FIGLA: variants seen among roughly 807,000 people sequenced by gnomAD.
FIGLA encodes the protein factor in the germline alpha.
In FIGLA, 17 loss-of-function variants were observed where a neutral mutation model predicts 21.5. That is an observed-to-expected ratio of 0.79 (90% confidence interval 0.54 to 1.19). The LOEUF (loss-of-function observed/expected upper bound fraction) is 1.19. FIGLA is among the 50% of genes most tolerant of loss of function. FIGLA has a pLI of 0.00. For missense variants in FIGLA, 282 were observed against 285.0 expected, an observed-to-expected ratio of 0.99 and a Z score of 0.08; for synonymous variants, 129 against 117.6, an observed-to-expected ratio of 1.10 and a Z score of -0.63.
chr2:70,779,856 T>C (rs1302189065), intron 3 of FIGLA, among the ~76,000 whole-genome samples: 1 of 152,100 alleles, frequency 6.6e-6, no homozygotes, highest in Non-Finnish European at 1.5e-5. Context: ...ATGCATAATA[T>C]GAAATGCCAG....
At position 70,790,435 on chromosome 2, in the gene FIGLA, A is replaced by G; in HGVS notation, c.204T>C (p.Arg68=). The change falls in exon 1 of 5, where the codon CGT becomes CGC. Residue 68 remains arginine, a synonymous_variant. Coordinates refer to ENST00000332372, the MANE Select transcript of FIGLA (RefSeq NM_001004311.3). The stretch of plus-strand genomic sequence containing the variant: ...GCTCACGCTCCTTGGCGTTGGCCAC[A>G]CGCCGCCGCTCCAGCACCAACTGGA... ...ENLQLVLERR[R]VANAKERERI... 6.5e-7 allele frequency: 1 copy of G among 1,541,558 alleles called. No homozygotes were observed.
intron 1 of FIGLA, 100 bp downstream of exon 1, chr2:70,790,308 G>A (rs1676037083): frequency 1.5e-6 from 2 of 1,298,858 alleles, no homozygotes; most frequent in Non-Finnish European, 2.0e-6. Flanking sequence ...AAGTCGCCTC[G>A]AGCGGGGGTG....
rs1553389893 is a variant in FIGLA, at chr2:70,785,650, T to A, written c.385-11A>T. ...ATCTGGGTCTTGTTTCTGGAAACCA[T>A]ATTTAGTTGTCAAACAGTATAATAT... On this transcript the variant is annotated splice_polypyrimidine_tract_variant and intron_variant, in intron 2 of 4. Coordinates refer to ENST00000332372, the MANE Select transcript of FIGLA (RefSeq NM_001004311.3). The A allele has an allele frequency of 1.3e-6, 2 of 1,598,426 alleles. No individual in the cohort carries two copies. The highest frequency in any genetic ancestry group is 1.7e-6 in the Non-Finnish European group (2 of 1,166,020).
chr2:70,790,304 C>T, intron 1 of FIGLA, 104 bp downstream of exon 1: 1 of 1,275,196 alleles, frequency 7.8e-7, no homozygotes, highest in South Asian at 1.7e-5. Context: ...CTCGAAGTCG[C>T]CTCGAGCGGG....
chr2:70,786,482 T>C (rs1553390065), intron 2 of FIGLA, among the ~76,000 whole-genome samples: 1 of 151,636 alleles, frequency 6.6e-6, no homozygotes, highest in African/African-American at 2.4e-5. Context: ...TTTTTTGTAT[T>C]TTTAGTAGAG....
chr2:70,779,605 C>T lies in FIGLA; in HGVS notation c.610-1934G>A, dbSNP rs117596923. Among the ~76,000 whole-genome samples the T allele has an allele frequency of 1.2e-3, 183 of 152,282 alleles. 1 individual carries two copies. In the East Asian group the frequency reaches 0.032, roughly 26 times the overall value. On this transcript the variant is annotated intron_variant, in intron 3 of 4. Transcript: ENST00000332372. ...GGGTGGTAGGAGTCTACCATCCACA[C>T]AGGATTCTTTCTCTCAGAAACTCTT...
intron 1 of FIGLA, among the ~76,000 whole-genome samples, chr2:70,788,065 T>C (rs1553390308): frequency 6.6e-6 from 1 of 152,210 alleles, no homozygotes; most frequent in African/African-American, 2.4e-5. Context: ...TTTGAGAGCA[T>C]ACCCGCTGTA....
intron 1 of FIGLA, among the ~76,000 whole-genome samples, chr2:70,789,685 T>G (rs7575830): frequency 0.55 from 83,809 of 151,998 alleles, 24,544 homozygotes; most frequent in East Asian, 0.74. Flanking sequence ...TCGCCTCTGC[T>G]GCAACCAAAC....
At chr2:70,778,416 T>A (rs1279969192) in intron 3 of FIGLA, among the ~76,000 whole-genome samples, 1 of 152,094 alleles carries the variant, frequency 6.6e-6, no homozygotes, top group African/African-American at 2.4e-5. Flanking sequence ...CTTGATCGAG[T>A]CTTTCCACTA....
chr2:70,777,436 A>G, intron 4 of FIGLA, 54 bp from the exon 5 acceptor site: 1 of 1,392,042 alleles, frequency 7.2e-7, no homozygotes, highest in Non-Finnish European at 9.6e-7. Context: ...AACCGTTTAC[A>G]AAAGAAATAA....
intron 4 of FIGLA, 105 bp from the exon 5 acceptor site, chr2:70,777,487 G>T (rs1044052806): frequency 2.9e-5 from 39 of 1,354,664 alleles, no homozygotes; most frequent in Non-Finnish European, 3.7e-5. Context: ...AATCAAAGAT[G>T]TTTAAATTTA....
intron 1 of FIGLA, among the ~76,000 whole-genome samples, chr2:70,789,780 T>A (rs1676024468): frequency 6.6e-6 from 1 of 152,174 alleles, no homozygotes; most frequent in Non-Finnish European, 1.5e-5. Flanking sequence ...TACCAGCAGG[T>A]GCCGCTCCAA....
chr2:70,778,741 T>C (rs1675806417), intron 3 of FIGLA, among the ~76,000 whole-genome samples: 1 of 152,224 alleles, frequency 6.6e-6, no homozygotes, highest in African/African-American at 2.4e-5. Context: ...AAATTGGCTG[T>C]TGGTCTCATC....
At chr2:70,786,302 A>T (rs1574352096) in intron 2 of FIGLA, among the ~76,000 whole-genome samples, 1 of 118,680 alleles carries the variant, frequency 8.4e-6, no homozygotes, top group African/African-American at 3.3e-5. Context: ...TCGGACTTCT[A>T]GGTTTTCTTT....
intron 3 of FIGLA, among the ~76,000 whole-genome samples, chr2:70,782,515 A>T (rs1675873483): frequency 6.6e-6 from 1 of 152,210 alleles, no homozygotes; most frequent in Admixed American, 6.5e-5. Flanking sequence ...TTGCTAGAAG[A>T]GACATTATTG....
chr2:70,787,884 C>A, intron 1 of FIGLA, 83 bp from the exon 2 acceptor site: 1 of 1,418,914 alleles, frequency 7.0e-7, no homozygotes, highest in East Asian at 2.3e-5. Flanking sequence ...GGGTTGTTTC[C>A]ACTGCCTCCT....
chr2:70,779,878 C>T (rs1394895838), intron 3 of FIGLA, among the ~76,000 whole-genome samples: 4 of 152,284 alleles, frequency 2.6e-5, no homozygotes, highest in South Asian at 2.1e-4. Flanking sequence ...ACCATAACCA[C>T]GAGTGGCAAA....
chr2:70,777,456 C>G, intron 4 of FIGLA, 74 bp from the exon 5 acceptor site: 5 of 1,347,858 alleles, frequency 3.7e-6, no homozygotes, highest in Non-Finnish European at 5.0e-6. Context: ...AAGAAATATG[C>G]AAAAAATTAA....
At position 70,787,817 on chromosome 2, in the gene FIGLA, G is replaced by A. The variant is rs782471267; in HGVS notation, c.232-16C>T. The stretch of plus-strand genomic sequence containing the variant: ...GATTTTTTATCTAGAAAACAAAAAG[G>A]CACAGTAACACACAGAGAAGCCAAT... On this transcript the variant is annotated splice_polypyrimidine_tract_variant and intron_variant, in intron 1 of 4. Coordinates refer to ENST00000332372, the MANE Select transcript of FIGLA (RefSeq NM_001004311.3). 1.2e-6 allele frequency: 2 copies of A among 1,610,728 alleles called. No homozygotes were observed. The highest frequency in any genetic ancestry group is 1.7e-5 in the Admixed American group (1 of 59,334).
Sources: gnomAD v4.1 joint callset for allele counts (sites outside exome capture counted in the v4.1 genomes callset) on GRCh38, gnomAD v4.1.1 for gene constraint, MANE v1.5 for transcripts, NCBI Gene and HGNC (gene_info 2026-07-23, HGNC 2026-07-21) for gene names.